Variants in SLC39A10 observed in about 807,000 individuals in gnomAD.
SLC39A10 encodes the protein zinc transporter ZIP10.
Under a neutral mutation model 65.1 loss-of-function variants are expected in SLC39A10, and 13 were observed. The ratio of observed to expected loss-of-function variants is 0.20; its 90% confidence interval spans 0.13 to 0.32. The LOEUF is 0.32. Ranked by LOEUF, SLC39A10 falls within the 10% of genes least tolerant of loss-of-function variation. The pLI is 1.00. For synonymous variants in SLC39A10, 321 were observed against 342.2 expected, an observed-to-expected ratio of 0.94 and a Z score of 0.68; for missense variants, 831 against 1,018.4, an observed-to-expected ratio of 0.82 and a Z score of 2.50.
intron 2 of SLC39A10, among the ~76,000 whole-genome samples, chr2:195,624,705 C>T (rs1688426176): frequency 2.7e-5 from 4 of 150,568 alleles, no homozygotes; most frequent in Admixed American, 1.3e-4. Context: ...CGAAACCCCA[C>T]CTCTACTAAA....
chr2:195,707,583 T>A (rs892422401), intron 4 of SLC39A10, among the ~76,000 whole-genome samples: 5 of 135,046 alleles, frequency 3.7e-5, no homozygotes, highest in Non-Finnish European at 3.4e-5. Context: ...CAGCAATATA[T>A]GGCATTGCTT....
chr2:195,624,111 T>G (rs1407894702), intron 2 of SLC39A10, among the ~76,000 whole-genome samples: 1 of 151,836 alleles, frequency 6.6e-6, no homozygotes, highest in African/African-American at 2.4e-5. Flanking sequence ...CCTGGCCAGG[T>G]GCGGTGGTTC....
chr2:195,729,960 A>ACTTT (rs1326461378), intron 9 of SLC39A10, among the ~76,000 whole-genome samples: 1 of 50,382 alleles, frequency 2.0e-5, no homozygotes, highest in Non-Finnish European at 4.1e-5. Flanking sequence ...CACCATGCCT[A>ACTTT]ATTTTTTTTT....
At chr2:195,635,323 C>T (rs1225699463) in intron 2 of SLC39A10, among the ~76,000 whole-genome samples, 1 of 152,184 alleles carries the variant, frequency 6.6e-6, no homozygotes, top group African/African-American at 2.4e-5. Context: ...TATTCCAGAA[C>T]TAATTGGTAA....
At chr2:195,711,465 A>G (rs1365982358) in intron 5 of SLC39A10, among the ~76,000 whole-genome samples, 1 of 152,228 alleles carries the variant, frequency 6.6e-6, no homozygotes, top group South Asian at 2.1e-4. Flanking sequence ...TGTTCTCTAA[A>G]TATTAAATAG....
intron 1 of SLC39A10, among the ~76,000 whole-genome samples, chr2:195,677,812 C>T (rs1336477573): frequency 2.9e-4 from 44 of 149,434 alleles, no homozygotes; most frequent in Admixed American, 2.7e-3. Context: ...TGCAGTGGCA[C>T]GATCAGGGCT....
intron 4 of SLC39A10, among the ~76,000 whole-genome samples, 159 bp downstream of exon 4, chr2:195,706,944 G>A (rs1349200420): frequency 5.3e-5 from 8 of 151,654 alleles, no homozygotes; most frequent in Non-Finnish European, 1.0e-4. Flanking sequence ...AGTTTTAATA[G>A]CAATATTTTT....
Position 195,728,242 on chromosome 2 carries a change from A to ATAGG in SLC39A10, c.2231_2234dup (p.Met746ArgfsTer14). 6.2e-7 allele frequency: 1 copy of ATAGG among 1,614,082 alleles called. No individual in the cohort carries two copies. Among genetic ancestry groups the ATAGG allele is most frequent in the Non-Finnish European group, 8.5e-7 (1 of 1,179,922 alleles). ...CCTCCTCTCTGCCATGATGGCTTAC[A>ATAGG]TAGGCATGCTCATAGGCACAGCTGT... On this transcript the variant is annotated frameshift_variant, in exon 9 of 10. Coordinates refer to ENST00000359634, the MANE Select transcript of SLC39A10 (RefSeq NM_020342.3). LOFTEE classifies it high-confidence loss of function. This position sits in a 1 kb window ranked among gnomAD's most constrained non-coding sequence, Gnocchi z 4.4.
At chr2:195,687,734 G>C (rs1690579675) in intron 3 of SLC39A10, among the ~76,000 whole-genome samples, 1 of 152,204 alleles carries the variant, frequency 6.6e-6, no homozygotes, top group Admixed American at 6.5e-5. Context: ...TAGTGGCACA[G>C]CTACTACCTC....
At chr2:195,635,197 C>T (rs1167629798) in intron 2 of SLC39A10, among the ~76,000 whole-genome samples, 2 of 152,186 alleles carry the variant, frequency 1.3e-5, no homozygotes, top group African/African-American at 4.8e-5. Flanking sequence ...CTAGGCTTCC[C>T]ATATAGATGC....
intron 8 of SLC39A10, among the ~76,000 whole-genome samples, chr2:195,724,279 A>G (rs982143945): frequency 1.3e-5 from 2 of 152,160 alleles, no homozygotes; most frequent in African/African-American, 4.8e-5. Flanking sequence ...TGTCAGCAGG[A>G]AGGAAAGAAT....
chr2:195,682,311 T>C (rs1036830406), intron 2 of SLC39A10, among the ~76,000 whole-genome samples: 2 of 152,206 alleles, frequency 1.3e-5, no homozygotes, highest in African/African-American at 4.8e-5. Flanking sequence ...AGATATGTTT[T>C]ATGTCTAGGT....
chr2:195,708,145 C>G (rs756361902), intron 4 of SLC39A10, among the ~76,000 whole-genome samples: 13 of 152,092 alleles, frequency 8.5e-5, no homozygotes, highest in Non-Finnish European at 1.9e-4. Flanking sequence ...TGTACAACAA[C>G]TCCCCCTGAC....
intron 1 of SLC39A10, among the ~76,000 whole-genome samples, chr2:195,662,064 A>T (rs1255421620): frequency 6.6e-6 from 1 of 152,206 alleles, no homozygotes; most frequent in Non-Finnish European, 1.5e-5. Flanking sequence ...ATGTATCCTT[A>T]TTAATATCAT....
At chr2:195,657,803 G>T (rs1689216918) in intron 1 of SLC39A10, among the ~76,000 whole-genome samples, 1 of 147,644 alleles carries the variant, frequency 6.8e-6, no homozygotes, top group African/African-American at 2.7e-5. Flanking sequence ...CCTTCTCTCT[G>T]GTCTGTAATG....
chr2:195,727,671 G>A (rs533840261), intron 8 of SLC39A10, among the ~76,000 whole-genome samples: 5 of 152,216 alleles, frequency 3.3e-5, no homozygotes, highest in Non-Finnish European at 5.9e-5. Context: ...CAAGAAGAGC[G>A]GTGACCATGT....
chr2:195,659,182 C>T lies in SLC39A10; in HGVS notation c.-12+1901C>T, dbSNP rs78803473. ...CCATATTTACAAACATTCTGCGTTC[C>T]GTACATAGACGCCTGGATAAGAACC... On this transcript the variant is annotated intron_variant, in intron 1 of 9. Transcript: ENST00000359634. Among the ~76,000 whole-genome samples, 1,220 of 152,146 alleles carry T rather than the reference C, an allele frequency of 8.0e-3. 10 individuals carry two copies. Among genetic ancestry groups the T allele is most frequent in the African/African-American group, 0.028 (1,158 of 41,470 alleles).
intron 2 of SLC39A10, among the ~76,000 whole-genome samples, chr2:195,644,334 TA>T (rs1404946085): frequency 3.4e-5 from 4 of 117,920 alleles, no homozygotes; most frequent in Admixed American, 2.3e-4. Context: ...CTGTCTCAAA[TA>T]AATTTTTTTT....
intron 3 of SLC39A10, among the ~76,000 whole-genome samples, chr2:195,697,367 G>A (rs763212936): frequency 6.6e-6 from 1 of 151,352 alleles, no homozygotes; most frequent in South Asian, 2.1e-4. Context: ...GTGAACATGG[G>A]GTATGTTTTC....
Sources: gnomAD v4.1 joint callset for allele counts (sites outside exome capture counted in the v4.1 genomes callset) on GRCh38, gnomAD v4.1.1 for gene constraint, Gnocchi (gnomAD v3.1) non-coding constraint, MANE v1.5 for transcripts, NCBI Gene and HGNC (gene_info 2026-07-23, HGNC 2026-07-21) for gene names.